SLBP: variants seen among roughly 807,000 people sequenced by gnomAD.
SLBP encodes the protein histone RNA hairpin-binding protein.
SLBP carries 29 observed loss-of-function variants against 39.2 expected under a neutral mutation model. That is an observed-to-expected ratio of 0.74 (90% CI 0.55 to 1.01). SLBP has a LOEUF of 1.01. Ranked by LOEUF, SLBP falls within the 50% of genes least tolerant of loss-of-function variation. SLBP has a pLI of 0.00. For missense variants in SLBP, 390 were observed against 350.2 expected (o/e 1.11, Z -0.91); for synonymous variants, 129 against 118.7 (o/e 1.09, Z -0.57).
chr4:1,709,224 C>A (rs1270339349), intron 2 of SLBP, among the ~76,000 whole-genome samples: 2 of 152,040 alleles, frequency 1.3e-5, no homozygotes, highest in East Asian at 1.9e-4. Flanking sequence ...CCACCATGCC[C>A]GACTAATTTT....
chr4:1,699,941 T>A, intron 4 of SLBP, 70 bp downstream of exon 4: 1 of 1,136,716 alleles, frequency 8.8e-7, no homozygotes, highest in Non-Finnish European at 1.3e-6. Flanking sequence ...TTTCTGACAG[T>A]CACAATTTTT....
At chr4:1,700,555 C>T (rs1445479564) in intron 3 of SLBP, among the ~76,000 whole-genome samples, 1 of 138,194 alleles carries the variant, frequency 7.2e-6, no homozygotes, top group Non-Finnish European at 1.6e-5. Context: ...GCTCCAAGTT[C>T]ATGTGAGTAT....
chr4:1,707,673 G>A (rs1249489216), intron 2 of SLBP, among the ~76,000 whole-genome samples: 3 of 151,996 alleles, frequency 2.0e-5, no homozygotes, highest in Non-Finnish European at 4.4e-5. Context: ...TGGGCCGGGT[G>A]CACAGGCTCA....
In SLBP at chr4:1,693,339, G is replaced by C. The variant is rs778898749; in HGVS notation, c.*258C>G. 2.8e-6 allele frequency: 1 copy of C among 363,538 alleles called. No homozygotes were observed. 22.5% of individuals were successfully genotyped at this position (363,538 alleles called of 1,614,324 possible). A position where few individuals can be genotyped will look rare whatever the true frequency, so the allele number is the denominator to read the frequency against. ...TACCCTGGAGGACAACAGGGATTAC[G>C]CAATTAAGCTCGCTGGAAGAGAGCT... On this transcript the variant is annotated 3_prime_UTR_variant, in exon 8 of 8. Transcript: ENST00000489418.
chr4:1,712,230 G>T lies in SLBP; in HGVS notation c.-42C>A. The T allele has an allele frequency of 8.4e-7, 1 of 1,189,242 alleles. No individual in the cohort carries two copies. The highest frequency in any genetic ancestry group is 3.5e-5 in the East Asian group (1 of 28,204). 73.7% of individuals were successfully genotyped at this position (1,189,242 alleles called of 1,614,324 possible). On this transcript the variant is annotated 5_prime_UTR_variant, in exon 1 of 8. Coordinates refer to ENST00000489418, the MANE Select transcript of SLBP (RefSeq NM_006527.4). ...CGCGCAGCGCAGGGCCGAGGCTGAG[G>T]CGGCGGCGGCGCGGGCAGAGAGCGC...
In SLBP at chr4:1,700,063, T is replaced by C. The variant is rs769755000; in HGVS notation, c.289A>G (p.Arg97Gly). ...RVNKEMARYK[R>G]KLLINDFGRE... ...CCAAAGTCATTGATGAGGAGTTTCC[T>C]TTTATATCTGAGGGCAAAATAAATA... Residue 97 changes from arginine (R) to glycine (G), a missense_variant, in exon 4 of 8, where the codon AGG (arginine) becomes GGG (glycine). Coordinates refer to ENST00000489418, the MANE Select transcript of SLBP (RefSeq NM_006527.4). 20 of 1,595,380 alleles carry C rather than the reference T, an allele frequency of 1.3e-5. No individual in the cohort carries two copies. The highest frequency in any genetic ancestry group is 1.6e-5 in the Non-Finnish European group (19 of 1,165,548).
chr4:1,693,650 C>G lies in SLBP; in HGVS notation c.760G>C (p.Asp254His). The G allele has an allele frequency of 6.2e-7, 1 of 1,614,082 alleles. No homozygotes were observed. The highest frequency in any genetic ancestry group is 8.5e-7 in the Non-Finnish European group (1 of 1,179,942). The stretch of plus-strand genomic sequence containing the variant: ...GGTTCAGTTAAACAAGCTTCCAAAT[C>G]AAACTCATCCTCCACTTGACTGTCC... ...HMDSQVEDEF[D>H]LEACLTEPLR... Residue 254 changes from aspartate (D) to histidine (H), a missense_variant, in exon 8 of 8, where the codon GAT becomes CAT. Physicochemically the swap from Asp to His is moderately conservative, Grantham distance 81. Transcript: ENST00000489418.
chr4:1,696,929 G>A (rs1716129325), intron 5 of SLBP, among the ~76,000 whole-genome samples: 1 of 151,032 alleles, frequency 6.6e-6, no homozygotes, highest in Non-Finnish European at 1.5e-5. Flanking sequence ...TGCTGGGTGT[G>A]GCAAATCACT....
intron 2 of SLBP, among the ~76,000 whole-genome samples, chr4:1,709,079 T>C (rs1716631877): frequency 6.6e-6 from 1 of 152,088 alleles, no homozygotes; most frequent in Admixed American, 6.5e-5. Context: ...TTTTTTTTTT[T>C]TTTGAGACAG....
chr4:1,709,391 G>T (rs941533595), intron 2 of SLBP, among the ~76,000 whole-genome samples: 2 of 152,166 alleles, frequency 1.3e-5, no homozygotes, highest in Non-Finnish European at 2.9e-5. Context: ...CTCAGAGCGA[G>T]ACCTGCTCTC....
intron 6 of SLBP, among the ~76,000 whole-genome samples, chr4:1,695,747 C>T (rs538933359): frequency 5.9e-5 from 9 of 151,738 alleles, no homozygotes; most frequent in South Asian, 2.1e-4. Context: ...CGCCACTGCA[C>T]TCCAGCCTCG....
chr4:1,695,131 A>G (rs1716059879), intron 6 of SLBP, among the ~76,000 whole-genome samples: 1 of 152,212 alleles, frequency 6.6e-6, no homozygotes. Context: ...GAGGGGGAGA[A>G]ATGAGCACTG....
intron 2 of SLBP, among the ~76,000 whole-genome samples, chr4:1,709,029 G>A (rs1385338300): frequency 6.6e-6 from 1 of 151,696 alleles, no homozygotes; most frequent in Non-Finnish European, 1.5e-5. Flanking sequence ...CTGGACCTAG[G>A]GCCTCTTCTG....
Position 1,711,888 on chromosome 4 carries a change from C to G in SLBP, c.162G>C (p.Glu54Asp). ...CCCGCGCCCACCTCTCGGGTCTGCG[C>G]TCGGCGCCGCGGTGCTCTGCCTCCT... ...DAEEAEHRGA[E>D]RRPESFTTPE... is the part of the protein sequence containing the mutation. Residue 54 changes from glutamate to aspartate, a missense_variant, in exon 2 of 8, where the codon GAG becomes GAC. Transcript: ENST00000489418. 7.4e-7 allele frequency: 1 copy of G among 1,358,770 alleles called. No individual in the cohort carries two copies. The highest frequency in any genetic ancestry group is 9.5e-7 in the Non-Finnish European group (1 of 1,055,178). The allele number at this position is 1,358,770 out of a possible 1,614,324, so 84.2% of individuals were successfully genotyped here.
intron 2 of SLBP, among the ~76,000 whole-genome samples, chr4:1,709,421 A>G (rs1054262819): frequency 2.6e-5 from 4 of 152,190 alleles, no homozygotes; most frequent in Non-Finnish European, 4.4e-5. Context: ...AACAGTGTTC[A>G]AGAAGAAAGA....
At chr4:1,699,809 T>C (rs1716257688) in intron 4 of SLBP, 108 bp from the exon 5 acceptor site, 4 of 1,094,874 alleles carry the variant, frequency 3.7e-6, no homozygotes, top group Admixed American at 2.0e-5. Context: ...TCACTCCAGA[T>C]TCCCAACCAT....
At position 1,703,600 on chromosome 4, in the gene SLBP, C is replaced by T; in HGVS notation, c.277G>A (p.Ala93Thr). 3 of 1,594,670 alleles carry T rather than the reference C, an allele frequency of 1.9e-6. No individual in the cohort carries two copies. Among genetic ancestry groups the T allele is most frequent in the Non-Finnish European group, 2.6e-6 (3 of 1,162,212 alleles). ...EMRTRVNKEM[A>T]RYKRKLLIND... The stretch of plus-strand genomic sequence containing the variant: ...AAGGTGGTCCAAAATGTGTACCTTG[C>T]CATTTCTTTGTTAACTCTGGTCCTC... Residue 93 changes from alanine to threonine, a missense_variant, in exon 3 of 8, where the codon GCA (alanine) becomes ACA (threonine). Ala to Thr is a moderately conservative substitution (Grantham distance 58, BLOSUM62 0). Coordinates refer to ENST00000489418, the MANE Select transcript of SLBP (RefSeq NM_006527.4).
chr4:1,706,385 G>A (rs1432917739), intron 2 of SLBP, among the ~76,000 whole-genome samples: 2 of 152,224 alleles, frequency 1.3e-5, no homozygotes, highest in Non-Finnish European at 1.5e-5. Context: ...AATGTGTATG[G>A]AGGAGTATAT....
At chr4:1,699,152 G>A (rs928546309) in intron 5 of SLBP, among the ~76,000 whole-genome samples, 4 of 152,150 alleles carry the variant, frequency 2.6e-5, no homozygotes, top group Non-Finnish European at 4.4e-5. Context: ...ATATCCTTCT[G>A]TGTCTGTGTG....
Sources: gnomAD v4.1 joint callset for allele counts (sites outside exome capture counted in the v4.1 genomes callset) on GRCh38, gnomAD v4.1.1 for gene constraint, MANE v1.5 for transcripts, NCBI Gene and HGNC (gene_info 2026-07-23, HGNC 2026-07-21) for gene names.